DLC1: variants seen among roughly 807,000 people sequenced by gnomAD.
The protein encoded by DLC1 is DLC1 Rho GTPase activating protein, also known as rho GTPase-activating protein 7.
Under a neutral mutation model 140.3 loss-of-function variants are expected in DLC1, and 54 were observed. The observed-to-expected ratio is 0.38, with a 90% CI of 0.31 to 0.48. DLC1 has a LOEUF of 0.48. Among genes scored for constraint, DLC1 ranks in the 20% least tolerant of loss-of-function variants. The pLI, the probability that DLC1 is intolerant of heterozygous loss-of-function variation, is 0.96. For synonymous variants in DLC1, 986 were observed against 728.1 expected (o/e 1.35, Z -5.70); for missense variants, 2,536 against 1,907.0 (o/e 1.33, Z -6.14).
intron 7 of DLC1, among the ~76,000 whole-genome samples, chr8:13,104,107 C>T (rs1563605677): frequency 6.6e-6 from 1 of 151,982 alleles, no homozygotes; most frequent in Non-Finnish European, 1.5e-5. Flanking sequence ...ATATTTAGAA[C>T]AGCTTCCTGT....
Position 13,396,058 on chromosome 8 carries a change from C to CTTTT in DLC1, c.1174-2366_1174-2365insAAAA, listed in dbSNP as rs1458503033. 2.2e-4 allele frequency among the ~76,000 whole-genome samples: 30 copies of CTTTT among 133,384 alleles called. 4 individuals are homozygous for CTTTT. Among genetic ancestry groups the CTTTT allele is most frequent in the African/African-American group, 2.4e-4 (8 of 33,950 alleles). 87.5% of individuals were successfully genotyped at this position (133,384 alleles called of 152,430 possible). A position where few individuals can be genotyped will look rare whatever the true frequency, so the allele number is the denominator to read the frequency against. On this transcript the variant is annotated intron_variant, in intron 3 of 17. Transcript: ENST00000276297. ...GAAATATTTTGCATTAATTTCTTTT[C>CTTTT]TTTCTTTTTTTTTTTTTTTGAGACG...
At chr8:13,115,694 T>C (rs368563230) in intron 5 of DLC1, 37 bp from the exon 6 acceptor site, 7 of 1,595,734 alleles carry the variant, frequency 4.4e-6, no homozygotes, top group Non-Finnish European at 6.0e-6. Context: ...ATTAGCCATG[T>C]GTACCTCGCC....
intron 1 of DLC1, among the ~76,000 whole-genome samples, chr8:13,572,709 C>G (rs184750837): frequency 1.6e-4 from 24 of 152,268 alleles, no homozygotes; most frequent in African/African-American, 4.3e-4. Flanking sequence ...GTGATACAGT[C>G]TTTCCCATAT....
At chr8:13,415,252 C>T (rs1046207594) in intron 2 of DLC1, among the ~76,000 whole-genome samples, 1 of 152,002 alleles carries the variant, frequency 6.6e-6, no homozygotes. Flanking sequence ...TCACTATTTG[C>T]TAGTGATTTA....
intron 5 of DLC1, among the ~76,000 whole-genome samples, chr8:13,294,845 C>T (rs983180347): frequency 1.3e-5 from 2 of 152,166 alleles, no homozygotes; most frequent in African/African-American, 4.8e-5. Flanking sequence ...CTCTCTGAGT[C>T]TCAGGTTCTT....
chr8:13,110,862 A>G (rs539582669), intron 6 of DLC1, 39 bp from the exon 7 acceptor site: 2 of 1,602,616 alleles, frequency 1.2e-6, no homozygotes, highest in South Asian at 2.2e-5. Context: ...TTGAGCGCCT[A>G]AAACCCAATT....
intron 5 of DLC1, among the ~76,000 whole-genome samples, chr8:13,154,349 G>A (rs12549163): frequency 0.051 from 7,767 of 152,328 alleles, 289 homozygotes; most frequent in Middle Eastern, 0.075. Flanking sequence ...CCTGCTGGGA[G>A]GTGGCTGAGG....
chr8:13,200,366 A>G (rs1055960448), intron 5 of DLC1, among the ~76,000 whole-genome samples: 1 of 152,042 alleles, frequency 6.6e-6, no homozygotes, highest in Non-Finnish European at 1.5e-5. Flanking sequence ...CTGGCCGATA[A>G]TTTACTATTA....
intron 1 of DLC1, among the ~76,000 whole-genome samples, chr8:13,566,182 G>GTT: frequency 6.6e-6 from 1 of 152,242 alleles, no homozygotes; most frequent in African/African-American, 2.4e-5. Context: ...GCTGGAAAGA[G>GTT]TTTAAGGCAG....
At chr8:13,491,830 A>C (rs1377033487) in intron 2 of DLC1, among the ~76,000 whole-genome samples, 1 of 152,146 alleles carries the variant, frequency 6.6e-6, no homozygotes, top group Non-Finnish European at 1.5e-5. Context: ...GCATCTTTAT[A>C]ACTTGGGTTC....
intron 1 of DLC1, among the ~76,000 whole-genome samples, chr8:13,595,914 T>C (rs1301060159): frequency 6.6e-6 from 1 of 152,034 alleles, no homozygotes; most frequent in Non-Finnish European, 1.5e-5. Context: ...AGAATTTTCA[T>C]TTCTAAATAT....
At chr8:13,474,355 C>T (rs979665264) in intron 2 of DLC1, among the ~76,000 whole-genome samples, 27 of 152,216 alleles carry the variant, frequency 1.8e-4, no homozygotes, top group African/African-American at 6.0e-4. Flanking sequence ...TGTATGGAAA[C>T]ACCTGGATGT....
At chr8:13,536,591 C>G (rs184444644) in intron 1 of DLC1, among the ~76,000 whole-genome samples, 75 of 152,248 alleles carry the variant, frequency 4.9e-4, no homozygotes, top group African/African-American at 1.5e-3. Context: ...GTTAAATAAT[C>G]TTTACCCTGG....
At position 13,319,480 on chromosome 8, in the gene DLC1, G is replaced by GC. The variant is rs1443800910; in HGVS notation, c.1315-14179_1315-14178insG. On this transcript the variant is annotated intron_variant, in intron 4 of 17. Coordinates refer to ENST00000276297, the MANE Select transcript of DLC1 (RefSeq NM_182643.3). Reference sequence around the variant, plus strand: ...GAGGGGCCTGCTGGCGGGGCGGGGGGGGGGGGTGGATTTCCCCCTTGCTGT... The same window carrying GC: ...GAGGGGCCTGCTGGCGGGGCGGGGGGCGGGGGGTGGATTTCCCCCTTGCTGT... Among the ~76,000 whole-genome samples, 331 of 104,974 alleles carry GC rather than the reference G, an allele frequency of 3.2e-3. 6 individuals carry two copies. The highest frequency in any genetic ancestry group is 7.2e-4 in the Non-Finnish European group (39 of 54,180). The allele number at this position is 104,974 out of a possible 152,430, so 68.9% of individuals were successfully genotyped here.
At chr8:13,165,968 C>T (rs554928914) in intron 5 of DLC1, among the ~76,000 whole-genome samples, 2 of 152,064 alleles carry the variant, frequency 1.3e-5, no homozygotes, top group East Asian at 1.9e-4. Flanking sequence ...GTACAGTAGT[C>T]GATACTATGT....
chr8:13,499,408 C>G lies in DLC1; in HGVS notation c.664G>C (p.Glu222Gln), dbSNP rs1238163588. Residue 222 changes from glutamate to glutamine, a missense_variant, in exon 2 of 18, where the codon GAG becomes CAG. Transcript: ENST00000276297. ...ACAGCAGAGTTAAGCAATTGTTTCT[C>G]AGGTGCAATATCTTTCACGTTCAAA... ...DTLNVKDIAP[E>Q]KQLLNSAVIA... is the part of the protein sequence containing the mutation. 1.2e-6 allele frequency: 2 copies of G among 1,613,740 alleles called. No individual in the cohort carries two copies. The highest frequency in any genetic ancestry group is 1.1e-5 in the South Asian group (1 of 91,062).
intron 1 of DLC1, among the ~76,000 whole-genome samples, chr8:13,578,093 G>A (rs551340898): frequency 6.6e-6 from 1 of 151,948 alleles, no homozygotes; most frequent in South Asian, 2.1e-4. Flanking sequence ...TGTGCGTCCA[G>A]TGAACCAACT....
At chr8:13,473,239 G>T (rs536321309) in intron 2 of DLC1, among the ~76,000 whole-genome samples, 5 of 152,222 alleles carry the variant, frequency 3.3e-5, no homozygotes, top group African/African-American at 1.2e-4. Flanking sequence ...ATTTGGTTGT[G>T]TCCCCACCCA....
intron 4 of DLC1, among the ~76,000 whole-genome samples, chr8:13,336,307 C>G (rs1045616439): frequency 1.3e-5 from 2 of 151,854 alleles, no homozygotes; most frequent in African/African-American, 4.8e-5. Flanking sequence ...TTATTGAAAT[C>G]AAAGGTAGAA....
Sources: gnomAD v4.1 joint callset for allele counts (sites outside exome capture counted in the v4.1 genomes callset) on GRCh38, gnomAD v4.1.1 for gene constraint, MANE v1.5 for transcripts, NCBI Gene and HGNC (gene_info 2026-07-23, HGNC 2026-07-21) for gene names.